PLAG1: variants seen among roughly 807,000 people sequenced by gnomAD.
PLAG1 encodes PLAG1 zinc finger.
PLAG1 carries 7 observed loss-of-function variants against 35.5 expected under a neutral mutation model. The ratio of observed to expected loss-of-function variants is 0.20; its 90% CI spans 0.11 to 0.37. PLAG1 has a LOEUF of 0.37. Ranked by LOEUF, PLAG1 falls within the 10% of genes least tolerant of loss-of-function variation. The probability of loss-of-function intolerance (pLI) is 1.00; values close to 1 mark genes in which losing one functional copy is unlikely to be tolerated. For synonymous variants in PLAG1, 229 were observed against 225.4 expected (o/e 1.02, Z -0.14); for missense variants, 454 against 602.8 (o/e 0.75, Z 2.58).
At position 56,161,179 on chromosome 8, in the gene PLAG1, T is replaced by C. The variant is rs1811187110; in HGVS notation, c.*5064A>G. ...AAATATGATCTTTGTCTATATTTTA[T>C]ACAAATACAACAGTAGTTTGTGAAT... On this transcript the variant is annotated 3_prime_UTR_variant, in exon 5 of 5. Transcript: ENST00000316981. The C allele has an allele frequency of 5.2e-6, 1 of 193,956 alleles. No individual in the cohort carries two copies. Among genetic ancestry groups the C allele is most frequent in the Non-Finnish European group, 1.1e-5 (1 of 92,856 alleles). 12.0% of individuals were successfully genotyped at this position (193,956 alleles called of 1,614,324 possible). A position where few individuals can be genotyped will look rare whatever the true frequency, so the allele number is the denominator to read the frequency against.
At chr8:56,177,555 C>T (rs189995505) in intron 2 of PLAG1, among the ~76,000 whole-genome samples, 10 of 152,232 alleles carry the variant, frequency 6.6e-5, no homozygotes, top group Non-Finnish European at 1.5e-4. Context: ...GACTGGAAAG[C>T]TCTTCTTGAA....
chr8:56,187,785 G>A (rs752778692), intron 1 of PLAG1, among the ~76,000 whole-genome samples: 8 of 152,088 alleles, frequency 5.3e-5, no homozygotes, highest in Non-Finnish European at 8.8e-5. Flanking sequence ...AGTGATATTT[G>A]GTGAAGTAGC....
intron 3 of PLAG1, among the ~76,000 whole-genome samples, chr8:56,169,464 G>A (rs2129225102): frequency 6.6e-6 from 1 of 152,072 alleles, no homozygotes; most frequent in South Asian, 2.1e-4. Context: ...AAATATTATC[G>A]ACTCTGTTTC....
intron 1 of PLAG1, among the ~76,000 whole-genome samples, chr8:56,195,991 G>A (rs1812352247): frequency 6.6e-6 from 1 of 152,158 alleles, no homozygotes; most frequent in Non-Finnish European, 1.5e-5. Flanking sequence ...AAACTGCAAG[G>A]CAAGCCAGCT....
chr8:56,187,815 T>A (rs1423975729), intron 1 of PLAG1, among the ~76,000 whole-genome samples: 1 of 152,142 alleles, frequency 6.6e-6, no homozygotes, highest in Non-Finnish European at 1.5e-5. Context: ...ATCTTACTCA[T>A]CTCTGTGGCA....
rs1459788445 is a variant in PLAG1, at chr8:56,193,696, T to TC, written c.-321-14184_-321-14183insG. ...CAGTCAGATCTTTCATTAGGTAAAC[T>TC]TTTTTTTTTTTTTTTTTTTGAGACG... On this transcript the variant is annotated intron_variant, in intron 1 of 4. Transcript: ENST00000316981. Among the ~76,000 whole-genome samples the TC allele has an allele frequency of 1.3e-4, 12 of 91,862 alleles. No homozygotes were observed. In the East Asian group the frequency reaches 5.6e-3, roughly 43 times the overall value. 60.3% of individuals were successfully genotyped at this position (91,862 alleles called of 152,430 possible).
chr8:56,195,116 TATC>T (rs1563390029), intron 1 of PLAG1, among the ~76,000 whole-genome samples: 2 of 152,204 alleles, frequency 1.3e-5, no homozygotes, highest in East Asian at 1.9e-4. Flanking sequence ...AGACTATTAT[TATC>T]ATAATTATTA....
intron 1 of PLAG1, among the ~76,000 whole-genome samples, chr8:56,190,810 G>C (rs1027639630): frequency 2.0e-5 from 3 of 152,098 alleles, no homozygotes; most frequent in Admixed American, 1.3e-4. Context: ...CCAAACCAAA[G>C]ACCATCAAGG....
chr8:56,192,465 C>T (rs2129231399), intron 1 of PLAG1, among the ~76,000 whole-genome samples: 1 of 152,268 alleles, frequency 6.6e-6, no homozygotes, highest in East Asian at 1.9e-4. Flanking sequence ...AAGTAACATA[C>T]AAGTACATGG....
intron 1 of PLAG1, among the ~76,000 whole-genome samples, chr8:56,193,642 G>A (rs1229565215): frequency 2.7e-5 from 4 of 150,750 alleles, no homozygotes; most frequent in Non-Finnish European, 5.9e-5. Context: ...CGAGACTGAT[G>A]TACAAGTGAC....
chr8:56,201,972 T>TG (rs1019757535), intron 1 of PLAG1, among the ~76,000 whole-genome samples: 11 of 151,458 alleles, frequency 7.3e-5, no homozygotes, highest in African/African-American at 2.4e-4. Flanking sequence ...TTTTTTTTTT[T>TG]TTTGTTTTTA....
intron 1 of PLAG1, among the ~76,000 whole-genome samples, chr8:56,187,926 G>T (rs1812070349): frequency 1.3e-5 from 2 of 152,284 alleles, no homozygotes; most frequent in African/African-American, 4.8e-5. Flanking sequence ...CAGTCAGTTT[G>T]CATGTTAAAT....
chr8:56,209,710 G>A (rs904220917), intron 1 of PLAG1, among the ~76,000 whole-genome samples: 9 of 152,060 alleles, frequency 5.9e-5, no homozygotes, highest in South Asian at 4.1e-4. Flanking sequence ...GGGAAACCAA[G>A]CAACTCCACA....
chr8:56,174,066 T>C lies in PLAG1; in HGVS notation c.-216-2877A>G, dbSNP rs190130825. ...CTTACCTGCATCAATAATTATTTCA[T>C]ATTTAAAAGTCAAACAGATTTTGCT... is the stretch of plus-strand genomic sequence containing the variant. On this transcript the variant is annotated intron_variant, in intron 2 of 4. Coordinates refer to ENST00000316981, the MANE Select transcript of PLAG1 (RefSeq NM_002655.3). 2.6e-4 allele frequency among the ~76,000 whole-genome samples: 40 copies of C among 152,342 alleles called. No individual in the cohort carries two copies. In the East Asian group the frequency reaches 7.5e-3, roughly 29 times the overall value.
At chr8:56,210,352 A>T (rs1365738638) in intron 1 of PLAG1, among the ~76,000 whole-genome samples, 1 of 151,840 alleles carries the variant, frequency 6.6e-6, no homozygotes, top group Non-Finnish European at 1.5e-5. Context: ...TACTGACAAC[A>T]AGCTGTCCCT....
At chr8:56,195,769 C>A (rs956735727) in intron 1 of PLAG1, among the ~76,000 whole-genome samples, 1 of 152,116 alleles carries the variant, frequency 6.6e-6, no homozygotes, top group African/African-American at 2.4e-5. Context: ...TGTGGGAGAA[C>A]AGGTGACGGT....
intron 1 of PLAG1, among the ~76,000 whole-genome samples, chr8:56,189,799 G>A (rs946707687): frequency 2.0e-5 from 3 of 152,202 alleles, no homozygotes; most frequent in African/African-American, 7.2e-5. Flanking sequence ...TGGAGAGGTG[G>A]GGAGTGCGTC....
At chr8:56,179,374 G>C in intron 2 of PLAG1, 35 bp downstream of exon 2, 1 of 250,686 alleles carries the variant, frequency 4.0e-6, no homozygotes, top group Non-Finnish European at 6.3e-6. Context: ...TAATCACTTT[G>C]AAAGTCATGC....
intron 1 of PLAG1, among the ~76,000 whole-genome samples, chr8:56,194,114 G>GACC (rs1812277702): frequency 6.6e-6 from 1 of 151,976 alleles, no homozygotes; most frequent in African/African-American, 2.4e-5. Context: ...AGCAGTTTGA[G>GACC]ACCAGCCTGG....
Sources: gnomAD v4.1 joint callset for allele counts (sites outside exome capture counted in the v4.1 genomes callset) on GRCh38, gnomAD v4.1.1 for gene constraint, MANE v1.5 for transcripts, NCBI Gene and HGNC (gene_info 2026-07-23, HGNC 2026-07-21) for gene names.